The following SSR1 variants were observed in gnomAD, a reference collection of about 807,000 sequenced individuals.
SSR1 encodes the protein signal sequence receptor subunit 1.
In SSR1, 13 loss-of-function variants were observed where a neutral mutation model predicts 36.1. That is an observed-to-expected ratio of 0.36 (90% CI 0.23 to 0.57). The LOEUF (loss-of-function observed/expected upper bound fraction) is 0.57, where lower values mean the gene tolerates loss of function less well. Ranked by LOEUF, SSR1 falls within the 20% of genes least tolerant of loss-of-function variation. The pLI is 0.81. For missense variants in SSR1, 291 were observed against 338.5 expected (o/e 0.86, Z 1.10); for synonymous variants, 113 against 118.9 (o/e 0.95, Z 0.32).
chr6:7,284,207 A>T lies in SSR1; in HGVS notation c.*5657T>A, dbSNP rs1757495464. 1 of 152,222 alleles carries T rather than the reference A, an allele frequency of 6.6e-6. No individual in the cohort carries two copies. 9.4% of individuals were successfully genotyped at this position (152,222 alleles called of 1,614,324 possible). ...AATTGCAAGATGATTTTCAAAAATA[A>T]CATGAACCCCAACAGCTTCACTGAG... On this transcript the variant is annotated 3_prime_UTR_variant, in exon 8 of 8. Transcript: ENST00000244763.
rs1757637476 is a variant in SSR1, at chr6:7,289,678, G to A, written c.*186C>T. 1.7e-6 allele frequency: 1 copy of A among 595,164 alleles called. No homozygotes were observed. The highest frequency in any genetic ancestry group is 2.8e-6 in the Non-Finnish European group (1 of 351,682). The allele number at this position is 595,164 out of a possible 1,614,324, so 36.9% of individuals were successfully genotyped here. A position where few individuals can be genotyped will look rare whatever the true frequency, so the allele number is the denominator to read the frequency against. On this transcript the variant is annotated 3_prime_UTR_variant, in exon 8 of 8. Coordinates refer to ENST00000244763, the MANE Select transcript of SSR1 (RefSeq NM_003144.5). The stretch of plus-strand genomic sequence containing the variant: ...AATGGTTTAAAAAAAAACCAAATTT[G>A]TTACTTTAGAAAAATGAATGCAGTG...
intron 1 of SSR1, among the ~76,000 whole-genome samples, chr6:7,310,624 ATTCTTGGCC>A (rs376850118): frequency 5.3e-5 from 8 of 152,338 alleles, no homozygotes; most frequent in African/African-American, 9.6e-5. Flanking sequence ...AGAAAACAGC[ATTCTTGGCC>A]GGCGCGGTGG....
Position 7,295,495 on chromosome 6 carries a change from C to T in SSR1, c.700-10G>A. 1 of 1,557,310 alleles carries T rather than the reference C, an allele frequency of 6.4e-7. No homozygotes were observed. The highest frequency in any genetic ancestry group is 8.7e-7 in the Non-Finnish European group (1 of 1,143,808). ...GTATGGGTCTCTTACGCTAAAAGAA[C>T]ATAAAGACATATTTTAAAGGAGTTC... is the stretch of plus-strand genomic sequence containing the variant. On this transcript the variant is annotated splice_polypyrimidine_tract_variant and intron_variant, in intron 6 of 7. Transcript: ENST00000244763.
chr6:7,282,765 CA>C lies in SSR1; in HGVS notation c.*7098del, dbSNP rs890579598. 3.0e-4 allele frequency: 45 copies of C among 152,370 alleles called. 1 individual carries two copies. Among genetic ancestry groups the C allele is most frequent in the African/African-American group, 1.1e-3 (45 of 41,584 alleles). The allele number at this position is 152,370 out of a possible 1,614,324, so 9.4% of individuals were successfully genotyped here. A position where few individuals can be genotyped will look rare whatever the true frequency, so the allele number is the denominator to read the frequency against. On this transcript the variant is annotated 3_prime_UTR_variant, in exon 8 of 8. Transcript: ENST00000244763. ...CAGCCTCCTCTAGATCTGATTCCCACAGTGGAGGGACAAAGGGCCAGCAGCT... is the reference window on the plus strand; with the variant it reads ...CAGCCTCCTCTAGATCTGATTCCCACGTGGAGGGACAAAGGGCCAGCAGCT...
At chr6:7,301,638 C>CA in intron 3 of SSR1, 66 bp from the exon 4 acceptor site, 1 of 1,488,372 alleles carries the variant, frequency 6.7e-7, no homozygotes, top group Non-Finnish European at 9.0e-7. Context: ...TTTAAAAAGG[C>CA]ATTACTAATG....
rs370910353 is a variant in SSR1 at position 7,313,066 on chromosome 6, C to G, written c.55G>C (p.Val19Leu). 2 of 1,608,998 alleles carry G rather than the reference C, an allele frequency of 1.2e-6. No individual in the cohort carries two copies. Among genetic ancestry groups the G allele is most frequent in the Non-Finnish European group, 8.5e-7 (1 of 1,177,614 alleles). The stretch of plus-strand genomic sequence containing the variant: ...CCTCTGGGGCCGCCTCGGAACAAGA[C>G]AGTGGCAGGGAACACGAGTAAGAGA... The part of the protein sequence containing the change: ...LLLLLVFPAT[V>L]LFRGGPRGLL... The change falls in exon 1 of 8, where the codon GTC (valine) becomes CTC (leucine). Residue 19 changes from valine to leucine, a missense_variant. By Grantham distance (32) the Val-to-Leu change is conservative (BLOSUM62 1). Transcript: ENST00000244763.
rs1223976695 is a variant in SSR1, at chr6:7,313,114, G to C, written c.7C>G (p.Leu3Val). 1.2e-6 allele frequency: 2 copies of C among 1,605,682 alleles called. No individual in the cohort carries two copies. Among genetic ancestry groups the C allele is most frequent in the African/African-American group, 1.3e-5 (1 of 74,274 alleles). Residue 3 changes from leucine (L) to valine (V), a missense_variant, in exon 1 of 8, where the codon CTC (leucine) becomes GTC (valine). Physicochemically the swap from Leu to Val is conservative, Grantham distance 32. Transcript: ENST00000244763. MR[L>V]LPRLLLLLLL... Reference sequence around the variant, plus strand: ...AGAAGCAGCAGCAAGCGGGGGAGGAGTCTCATGGCGCTGCCGGTCCAGTGT... The same window carrying C: ...AGAAGCAGCAGCAAGCGGGGGAGGACTCTCATGGCGCTGCCGGTCCAGTGT...
At chr6:7,293,259 T>A (rs1209719256) in intron 7 of SSR1, among the ~76,000 whole-genome samples, 1 of 152,064 alleles carries the variant, frequency 6.6e-6, no homozygotes, top group Non-Finnish European at 1.5e-5. Flanking sequence ...GGTAAGTTCT[T>A]TAGTGGTGAC....
chr6:7,294,686 A>G (rs995090771), intron 7 of SSR1, among the ~76,000 whole-genome samples: 123 of 124,782 alleles, frequency 9.9e-4, no homozygotes, highest in Non-Finnish European at 1.4e-3. Context: ...GCAAGATTCC[A>G]TCTCAAATAA....
rs1757540108 is a variant in SSR1, at chr6:7,285,788, C to T, written c.*4076G>A. 1 of 152,198 alleles carries T rather than the reference C, an allele frequency of 6.6e-6. No individual in the cohort carries two copies. The highest frequency in any genetic ancestry group is 1.5e-5 in the Non-Finnish European group (1 of 68,044). The allele number at this position is 152,198 out of a possible 1,614,324, so 9.4% of individuals were successfully genotyped here. ...CCCAAGAGCAGATACTTCACTCTTA[C>T]CTTTAACGTGAAGATTTATCTTTCA... is the stretch of plus-strand genomic sequence containing the variant. On this transcript the variant is annotated 3_prime_UTR_variant, in exon 8 of 8. Coordinates refer to ENST00000244763, the MANE Select transcript of SSR1 (RefSeq NM_003144.5). This position sits in a 1 kb window ranked among gnomAD's most constrained non-coding sequence, Gnocchi z 4.1.
At chr6:7,310,634 GGC>G (rs1285074710) in intron 1 of SSR1, among the ~76,000 whole-genome samples, 5 of 152,162 alleles carry the variant, frequency 3.3e-5, no homozygotes, top group African/African-American at 4.8e-5. Flanking sequence ...ATTCTTGGCC[GGC>G]GCGGTGGCTC....
At chr6:7,297,076 C>A in intron 6 of SSR1, 1 of 299,124 alleles carries the variant, frequency 3.3e-6, no homozygotes, top group Non-Finnish European at 6.8e-6. Flanking sequence ...CAAAAATTAG[C>A]TGGGTGTGGT....
Position 7,309,929 on chromosome 6 carries a change from T to A in SSR1, c.180A>T (p.Glu60Asp), listed in dbSNP as rs763938712. ...ATGTAACACTAACCAAATCTGTGGG[T>A]TCATCTTCTTCTACCTCGGCTTCAT... ...EDDEAEVEED[E>D]PTDLVEDKEE... Residue 60 changes from glutamate (E) to aspartate (D), a missense_variant, in exon 2 of 8, where the codon GAA becomes GAT. Glu to Asp is a conservative substitution (Grantham distance 45). Transcript: ENST00000244763. 13 of 1,612,724 alleles carry A rather than the reference T, an allele frequency of 8.1e-6. No individual in the cohort carries two copies. Among genetic ancestry groups the A allele is most frequent in the Middle Eastern group, 1.6e-4 (1 of 6,084 alleles).
At chr6:7,305,126 G>A (rs1488008872) in intron 2 of SSR1, among the ~76,000 whole-genome samples, 1 of 152,158 alleles carries the variant, frequency 6.6e-6, no homozygotes, top group Non-Finnish European at 1.5e-5. Context: ...GTATATTTCA[G>A]CAAGAGAAAT....
At chr6:7,301,168 C>T (rs1486976558) in intron 4 of SSR1, 142 bp downstream of exon 4, 1 of 1,023,008 alleles carries the variant, frequency 9.8e-7, no homozygotes, top group Non-Finnish European at 1.4e-6. Context: ...AAGAAACGTG[C>T]AATTTATCTT....
At chr6:7,310,342 C>T (rs74925500) in intron 1 of SSR1, among the ~76,000 whole-genome samples, 1,537 of 151,820 alleles carry the variant, frequency 0.01, 26 homozygotes, top group African/African-American at 0.034. Context: ...ATCCTTCCAC[C>T]TCAGCTTCCT....
chr6:7,296,104 T>C (rs765397852), intron 6 of SSR1, among the ~76,000 whole-genome samples: 2 of 152,152 alleles, frequency 1.3e-5, no homozygotes, highest in Non-Finnish European at 2.9e-5. Context: ...TAAAATCTCA[T>C]TAAGCTAACC....
rs2113284783 is a variant in SSR1 at position 7,298,737 on chromosome 6, T to G, written c.620+10A>C. The G allele has an allele frequency of 6.2e-7, 1 of 1,607,520 alleles. No individual in the cohort carries two copies. The highest frequency in any genetic ancestry group is 1.1e-5 in the South Asian group (1 of 90,942). On this transcript the variant is annotated intron_variant, in intron 5 of 7. Coordinates refer to ENST00000244763, the MANE Select transcript of SSR1 (RefSeq NM_003144.5). The stretch of plus-strand genomic sequence containing the variant: ...AAAATCAAGATCTACATACTACAAC[T>G]TTCACTTACGTTTCTCCATCTAACC...
chr6:7,306,687 C>A (rs547885417), intron 2 of SSR1, among the ~76,000 whole-genome samples: 3 of 151,008 alleles, frequency 2.0e-5, no homozygotes, highest in Non-Finnish European at 3.0e-5. Flanking sequence ...GAGGCCGAGG[C>A]GGGCGGATCA....
Sources: allele counts gnomAD v4.1 joint callset (sites outside exome capture counted in the v4.1 genomes callset), GRCh38; gene constraint gnomAD v4.1.1; non-coding constraint Gnocchi (gnomAD v3.1); transcripts MANE v1.5; gene names NCBI Gene and HGNC (gene_info 2026-07-23, HGNC 2026-07-21).